Variants in RGS11 observed in about 807,000 individuals in gnomAD.
RGS11 encodes the protein regulator of G-protein signaling 11.
A neutral mutation model predicts 71.1 loss-of-function variants in RGS11; 86 were observed. The ratio of observed to expected loss-of-function variants is 1.21; its 90% CI spans 1.02 to 1.45. RGS11 has a LOEUF of 1.45. Ranked by LOEUF, RGS11 falls within the 40% of genes most tolerant of loss-of-function variation. The pLI, the probability that RGS11 is intolerant of heterozygous loss-of-function variation, is 0.00. For missense variants in RGS11, 734 were observed against 635.1 expected (o/e 1.16, Z -1.67); for synonymous variants, 298 against 254.2 (o/e 1.17, Z -1.64).
At chr16:275,587 CGGA>C in intron 1 of RGS11, 89 bp from the exon 2 acceptor site, 2 of 1,132,238 alleles carry the variant, frequency 1.8e-6, no homozygotes, top group Non-Finnish European at 2.4e-6. Flanking sequence ...TCCGGGAGCG[CGGA>C]GATTAACGCG....
At chr16:275,741 C>A in intron 1 of RGS11, 108 bp downstream of exon 1, 2 of 353,424 alleles carry the variant, frequency 5.7e-6, no homozygotes, top group South Asian at 1.2e-4. Context: ...GACCTCCGCC[C>A]CAGGCCCGCC....
rs1483949860 is a variant in RGS11, at chr16:272,880, CAGCGCAGG to C, written c.632_639del (p.Ser211CysfsTer14). 1 of 1,540,128 alleles carries C rather than the reference CAGCGCAGG, an allele frequency of 6.5e-7. No individual in the cohort carries two copies. The highest frequency in any genetic ancestry group is 8.7e-7 in the Non-Finnish European group (1 of 1,143,126). On this transcript the variant is annotated frameshift_variant, in exon 9 of 17. Coordinates refer to ENST00000397770, the MANE Select transcript of RGS11 (RefSeq NM_183337.3). LOFTEE classifies it high-confidence loss of function. Reference sequence around the variant, plus strand: ...GGGCTCACCATGAGCACACGGCTGGCAGCGCAGGATCCCCGCCCTGGACCCTGCTCCAG... The same window carrying C: ...GGGCTCACCATGAGCACACGGCTGGCATCCCCGCCCTGGACCCTGCTCCAG...
intron 9 of RGS11, 31 bp downstream of exon 9, chr16:272,832 G>A: frequency 6.5e-7 from 1 of 1,539,734 alleles, no homozygotes; most frequent in Non-Finnish European, 8.7e-7. Flanking sequence ...TGCAGGGTGA[G>A]AGGGCGGCCA....
In RGS11 at chr16:275,874, CGGGGGCGGCCG is replaced by C; in HGVS notation, c.27_37del (p.Arg11AlafsTer79). ...CTTCCTCAGATGCGGCATCTGCGCCCGGGGGCGGCCGGGGGGCGGCGCGGGGCCGGCGGCCA... is the reference window on the plus strand; with the variant it reads ...CTTCCTCAGATGCGGCATCTGCGCCCGGGGGCGGCGCGGGGCCGGCGGCCA... On this transcript the variant is annotated frameshift_variant, in exon 1 of 17. Transcript: ENST00000397770. LOFTEE classifies it high-confidence loss of function. The C allele has an allele frequency of 1.1e-5, 11 of 964,282 alleles. No individual in the cohort carries two copies. The highest frequency in any genetic ancestry group is 1.4e-5 in the Non-Finnish European group (11 of 789,530). The allele number at this position is 964,282 out of a possible 1,614,324, so 59.7% of individuals were successfully genotyped here.
Position 271,403 on chromosome 16 carries a change from C to A in RGS11, c.745G>T (p.Glu249Ter). Reference protein sequence around the residue: ...RTRVKSSVCLEAYLSFCGQRG... With the variant: ...RTRVKSSVCL ...GCCACCCCTCACCCCACTCACGCCT[C>A]AAGGCAGACGGAGGACTTCACTCGG... The change falls in exon 11 of 17, where the codon GAG (glutamate) becomes TAG (stop). Residue 249 changes from glutamate to a stop codon, truncating the protein, a stop_gained. Coordinates refer to ENST00000397770, the MANE Select transcript of RGS11 (RefSeq NM_183337.3). LOFTEE classifies it high-confidence loss of function. 1 of 1,613,708 alleles carries A rather than the reference C, an allele frequency of 6.2e-7. No homozygotes were observed. Among genetic ancestry groups the A allele is most frequent in the South Asian group, 1.1e-5 (1 of 91,092 alleles).
chr16:274,405 G>C, intron 4 of RGS11, 140 bp from the exon 5 acceptor site: 1 of 798,168 alleles, frequency 1.3e-6, no homozygotes, highest in South Asian at 1.7e-5. Flanking sequence ...CCACCACCGA[G>C]AGACTCCACT....
At chr16:273,658 C>A in intron 7 of RGS11, 102 bp from the exon 8 acceptor site, 1 of 1,502,080 alleles carries the variant, frequency 6.7e-7, no homozygotes, top group African/African-American at 1.4e-5. Flanking sequence ...CCCAGGGGTG[C>A]CCTCCACGGT....
rs2051935365 is a variant in RGS11, at chr16:271,434, G to A, written c.714C>T (p.Gly238=). ...REIEYFRKAL[G]RTRVKSSVCL... ...AGACGGAGGACTTCACTCGGGTCCT[G>A]CCCAGCGCTTTCCTGAAGTACTCGA... The change falls in exon 11 of 17, where the codon GGC becomes GGT. Residue 238 remains glycine (G), a synonymous_variant. Transcript: ENST00000397770. 1 of 1,613,712 alleles carries A rather than the reference G, an allele frequency of 6.2e-7. No individual in the cohort carries two copies. The highest frequency in any genetic ancestry group is 8.5e-7 in the Non-Finnish European group (1 of 1,180,030).
At position 275,142 on chromosome 16, in the gene RGS11, CG is replaced by C. The variant is rs1200420836; in HGVS notation, c.212-61del. ...GGAAGCGGGCGAGGGCGGGACGAGC[CG>C]GGCCTCCTCTCCCCTATGTGCTCCC... On this transcript the variant is annotated intron_variant, in intron 3 of 16. Coordinates refer to ENST00000397770, the MANE Select transcript of RGS11 (RefSeq NM_183337.3). 15 of 1,515,472 alleles carry C rather than the reference CG, an allele frequency of 9.9e-6. No individual in the cohort carries two copies. In the South Asian group the frequency reaches 1.0e-4, roughly 10 times the overall value. 93.9% of individuals were successfully genotyped at this position (1,515,472 alleles called of 1,614,324 possible).
Position 268,724 on chromosome 16 carries a change from G to T in RGS11, c.*545C>A. On this transcript the variant is annotated 3_prime_UTR_variant, in exon 17 of 17. Transcript: ENST00000397770. Reference sequence around the variant, plus strand: ...GGAGGAATAGGCGCAGCTCCGGAAGGCAGTGACCTCGAGGCAGCCTCAGCA... The same window carrying T: ...GGAGGAATAGGCGCAGCTCCGGAAGTCAGTGACCTCGAGGCAGCCTCAGCA... The T allele has an allele frequency of 1.3e-6, 2 of 1,528,904 alleles. No individual in the cohort carries two copies. The highest frequency in any genetic ancestry group is 1.4e-5 in the African/African-American group (1 of 72,858). The allele number at this position is 1,528,904 out of a possible 1,614,324, so 94.7% of individuals were successfully genotyped here. A position where few individuals can be genotyped will look rare whatever the true frequency, so the allele number is the denominator to read the frequency against.
chr16:269,046 C>T lies in RGS11; in HGVS notation c.*223G>A, dbSNP rs2141396245. ...CTGACCCAAGCTGAGCCAATGAACCCCCTCCCTGGGAATCCACACCTGGAC... is the reference window on the plus strand; with the variant it reads ...CTGACCCAAGCTGAGCCAATGAACCTCCTCCCTGGGAATCCACACCTGGAC... On this transcript the variant is annotated 3_prime_UTR_variant, in exon 17 of 17. Transcript: ENST00000397770. 1 of 1,162,178 alleles carries T rather than the reference C, an allele frequency of 8.6e-7. No individual in the cohort carries two copies. Among genetic ancestry groups the T allele is most frequent in the Non-Finnish European group, 1.3e-6 (1 of 793,518 alleles). 72.0% of individuals were successfully genotyped at this position (1,162,178 alleles called of 1,614,324 possible). A position where few individuals can be genotyped will look rare whatever the true frequency, so the allele number is the denominator to read the frequency against.
rs780260073 is a variant in RGS11, at chr16:271,587, G to A, written c.658-18C>T. ...CTCTTGGTCTAGAAGGGGATAGGTGGGCTGCAGTTAGATGCAGGTCCCCTG... is the reference window on the plus strand; with the variant it reads ...CTCTTGGTCTAGAAGGGGATAGGTGAGCTGCAGTTAGATGCAGGTCCCCTG... On this transcript the variant is annotated intron_variant, in intron 9 of 16. Transcript: ENST00000397770. The A allele has an allele frequency of 2.5e-6, 4 of 1,613,426 alleles. No individual in the cohort carries two copies. The highest frequency in any genetic ancestry group is 3.4e-6 in the Non-Finnish European group (4 of 1,179,680).
rs1450103701 is a variant in RGS11 at position 272,624 on chromosome 16, T to C, written c.657+239A>G. ...CCCTTCCTCCCCGCCAGCCCCCTCG[T>C]CCCCACCACTCCACTTACCTGCACC... is the stretch of plus-strand genomic sequence containing the variant. On this transcript the variant is annotated intron_variant, in intron 9 of 16. Transcript: ENST00000397770. 2.1e-6 allele frequency: 3 copies of C among 1,452,566 alleles called. No homozygotes were observed. The African/African-American group carries it at 4.2e-5, about 21-fold the overall frequency. 90.0% of individuals were successfully genotyped at this position (1,452,566 alleles called of 1,614,324 possible).
At position 270,746 on chromosome 16, in the gene RGS11, G is replaced by C. The variant is rs146344053; in HGVS notation, c.1065C>G (p.Tyr355Ter). 1.9e-6 allele frequency: 3 copies of C among 1,612,216 alleles called. No homozygotes were observed. The Admixed American group carries it at 5.0e-5, about 27-fold the overall frequency. ...AQVPTLVDAV[Y>*]EQFLAPGAAH... ...GGTGCCCACCACGCAGCACTTACTC[G>C]TACACGGCATCCACCAGGGTGGGGA... Residue 355 changes from tyrosine (Y) to a stop codon, truncating the protein, a stop_gained and splice_region_variant, in exon 14 of 17, where the codon TAC (tyrosine) becomes TAG (stop). Coordinates refer to ENST00000397770, the MANE Select transcript of RGS11 (RefSeq NM_183337.3). LOFTEE classifies it high-confidence loss of function.
At position 272,924 on chromosome 16, in the gene RGS11, G is replaced by A. The variant is rs775071749; in HGVS notation, c.596C>T (p.Ala199Val). 12 of 1,514,082 alleles carry A rather than the reference G, an allele frequency of 7.9e-6. No homozygotes were observed. The African/African-American group carries it at 1.7e-4, about 21-fold the overall frequency. 93.8% of individuals were successfully genotyped at this position (1,514,082 alleles called of 1,614,324 possible). The change falls in exon 9 of 17, where the codon GCC becomes GTC. Residue 199 changes from alanine (A) to valine (V), a missense_variant. Transcript: ENST00000397770. Reference sequence around the variant, plus strand: ...TGGACCCTGCTCCAGCACATCGGGGGCCCCGGGCTGCGGAGGGGAGACGAG... The same window carrying A: ...TGGACCCTGCTCCAGCACATCGGGGACCCCGGGCTGCGGAGGGGAGACGAG... ...YWLVNRPPPG[A>V]PDVLEQGPGR...
In RGS11 at chr16:275,067, C is replaced by A; in HGVS notation, c.227G>T (p.Gly76Val). 6.7e-7 allele frequency: 1 copy of A among 1,481,632 alleles called. No individual in the cohort carries two copies. The highest frequency in any genetic ancestry group is 2.4e-5 in the East Asian group (1 of 40,850). 91.8% of individuals were successfully genotyped at this position (1,481,632 alleles called of 1,614,324 possible). A position where few individuals can be genotyped will look rare whatever the true frequency, so the allele number is the denominator to read the frequency against. Residue 76 changes from glycine to valine, a missense_variant, in exon 4 of 17, where the codon GGC becomes GTC. Gly to Val is a moderately radical substitution (Grantham distance 109). Transcript: ENST00000397770. ...CVSEEEALHL[G>V]AVLVQHGYIY... is the part of the protein sequence containing the mutation. ...GTAGCCATGCTGCACCAGGACGGCG[C>A]CCAGGTGCAGGGCCTCTGGGGAGGG... is the stretch of plus-strand genomic sequence containing the variant.
At chr16:274,836 GA>G in intron 4 of RGS11, 139 bp downstream of exon 4, 1 of 1,199,090 alleles carries the variant, frequency 8.3e-7, no homozygotes, top group African/African-American at 1.5e-5. Context: ...GGGGGCGATG[GA>G]CCACCAGCCC....
At position 271,480 on chromosome 16, in the gene RGS11, A is replaced by C. The variant is rs758278783; in HGVS notation, c.688-20T>G. On this transcript the variant is annotated intron_variant, in intron 10 of 16. Coordinates refer to ENST00000397770, the MANE Select transcript of RGS11 (RefSeq NM_183337.3). ...CTCGATCTAGGATGTGGGGCCTGTG[A>C]GTCAGGTCCCGGGCTGGGGAAGGCA... 2.2e-5 allele frequency: 35 copies of C among 1,613,804 alleles called. No individual in the cohort carries two copies. In the South Asian group the frequency reaches 3.5e-4, roughly 16 times the overall value.
rs2052000600 is a variant in RGS11 at position 272,903 on chromosome 16, C to G, written c.617G>C (p.Gly206Ala). 2 of 1,528,686 alleles carry G rather than the reference C, an allele frequency of 1.3e-6. No individual in the cohort carries two copies. Among genetic ancestry groups the G allele is most frequent in the Non-Finnish European group, 1.8e-6 (2 of 1,134,636 alleles). 94.7% of individuals were successfully genotyped at this position (1,528,686 alleles called of 1,614,324 possible). A position where few individuals can be genotyped will look rare whatever the true frequency, so the allele number is the denominator to read the frequency against. Reference protein sequence around the residue: ...PPGAPDVLEQGPGRGSCAASR... With the variant: ...PPGAPDVLEQAPGRGSCAASR... ...GGCAGCGCAGGATCCCCGCCCTGGA[C>G]CCTGCTCCAGCACATCGGGGGCCCC... Residue 206 changes from glycine to alanine, a missense_variant, in exon 9 of 17, where the codon GGT becomes GCT. Gly to Ala is a moderately conservative substitution (Grantham distance 60). Transcript: ENST00000397770.
Sources: gnomAD v4.1 joint callset for allele counts on GRCh38, gnomAD v4.1.1 for gene constraint, MANE v1.5 for transcripts, NCBI Gene and HGNC (gene_info 2026-07-23, HGNC 2026-07-21) for gene names.